LINGO2: variants seen among roughly 807,000 people sequenced by gnomAD.
The protein encoded by LINGO2 is leucine rich repeat and Ig domain containing 2.
A neutral mutation model predicts 30.6 loss-of-function variants in LINGO2; 14 were observed. That is an observed-to-expected ratio of 0.46 (90% CI 0.30 to 0.72). The LOEUF (loss-of-function observed/expected upper bound fraction) is 0.72, where lower values mean the gene tolerates loss of function less well. Ranked by LOEUF, LINGO2 falls within the 30% of genes least tolerant of loss-of-function variation. The pLI is 0.07. For synonymous variants in LINGO2, 317 were observed against 288.5 expected, an observed-to-expected ratio of 1.10 and a Z score of -1.00; for missense variants, 729 against 751.7, an observed-to-expected ratio of 0.97 and a Z score of 0.35.
chr9:28,218,280 A>AT lies in LINGO2; in HGVS notation c.-87+76927_-87+76928insA, dbSNP rs1820838753. Among the ~76,000 whole-genome samples, 4 of 39,310 alleles carry AT rather than the reference A, an allele frequency of 1.0e-4. No individual in the cohort carries two copies. In the Admixed American group the frequency reaches 1.2e-3, roughly 12 times the overall value. 25.8% of individuals were successfully genotyped at this position (39,310 alleles called of 152,430 possible). A position where few individuals can be genotyped will look rare whatever the true frequency, so the allele number is the denominator to read the frequency against. ...ATTAAGAATTTAATCTTGAATTTCTAATTTTTTTTTTAGTTATGGAAATTT... is the reference window on the plus strand; with the variant it reads ...ATTAAGAATTTAATCTTGAATTTCTATATTTTTTTTTTAGTTATGGAAATTT... On this transcript the variant is annotated intron_variant, in intron 4 of 5. Coordinates refer to ENST00000379992, the Ensembl canonical transcript of LINGO2.
At chr9:28,949,076 A>G in the LINGO2 span, among the ~76,000 whole-genome samples, 1 of 151,870 alleles carries the variant, frequency 6.6e-6, no homozygotes, top group Non-Finnish European at 1.5e-5. Context: ...CGTGTTTTTA[A>G]GTTGTTGTCT....
chr9:28,150,682 G>A (rs1827974014), intron 4 of LINGO2, among the ~76,000 whole-genome samples: 2 of 152,220 alleles, frequency 1.3e-5, no homozygotes, highest in South Asian at 4.1e-4. Flanking sequence ...TTCCTCGACT[G>A]TAAGATCAGA....
chr9:28,320,396 T>C (rs1305218326), intron 3 of LINGO2, among the ~76,000 whole-genome samples: 1 of 152,182 alleles, frequency 6.6e-6, no homozygotes, highest in East Asian at 1.9e-4. Flanking sequence ...GAGACACCTG[T>C]GCAACTGCAC....
Position 28,453,766 on chromosome 9 carries a change from T to C in LINGO2, c.-279+22174A>G, listed in dbSNP as rs949934186. ...TCAAGATCTTTTTGGAACTCCTCCT[T>C]GGCAACCACCTTCAGGGCCCACAGC... On this transcript the variant is annotated intron_variant, in intron 2 of 5. Coordinates refer to ENST00000379992, the Ensembl canonical transcript of LINGO2. 1.1e-4 allele frequency among the ~76,000 whole-genome samples: 16 copies of C among 151,950 alleles called. 1 individual carries two copies. The highest frequency in any genetic ancestry group is 1.8e-4 in the Non-Finnish European group (12 of 67,882).
chr9:28,611,746 A>G (rs1376293308), intron 1 of LINGO2, among the ~76,000 whole-genome samples: 1 of 151,666 alleles, frequency 6.6e-6, no homozygotes, highest in Non-Finnish European at 1.5e-5. Flanking sequence ...ATTTCATTGC[A>G]TATGTGTGTG....
the LINGO2 span, among the ~76,000 whole-genome samples, chr9:29,029,158 C>G: frequency 6.6e-6 from 1 of 152,070 alleles, no homozygotes; most frequent in African/African-American, 2.4e-5. Context: ...ACAGTTTTAT[C>G]CATCTTTGAA....
chr9:29,176,046 A>C, the LINGO2 span, among the ~76,000 whole-genome samples: 1 of 151,960 alleles, frequency 6.6e-6, no homozygotes, highest in Non-Finnish European at 1.5e-5. Flanking sequence ...ATCTGCACAT[A>C]CTCCATCCAA....
chr9:28,204,413 T>C (rs1820342452), intron 4 of LINGO2, among the ~76,000 whole-genome samples: 2 of 152,220 alleles, frequency 1.3e-5, no homozygotes, highest in African/African-American at 4.8e-5. Flanking sequence ...GATACTGTGA[T>C]GCTCTTTCTT....
upstream of LINGO2, among the ~76,000 whole-genome samples, chr9:28,674,968 T>A (rs1254443899): frequency 1.3e-5 from 2 of 152,118 alleles, no homozygotes; most frequent in Non-Finnish European, 2.9e-5. Context: ...CTCTCATACA[T>A]CCAGTAGACC....
At chr9:28,335,274 G>A (rs1028338923) in intron 3 of LINGO2, among the ~76,000 whole-genome samples, 7 of 152,090 alleles carry the variant, frequency 4.6e-5, no homozygotes, top group Admixed American at 4.6e-4. Flanking sequence ...ATGCATATTT[G>A]TGCCAAGGAG....
chr9:28,904,966 A>T, the LINGO2 span, among the ~76,000 whole-genome samples: 112,580 of 151,798 alleles, frequency 0.74, 41,893 homozygotes, highest in Non-Finnish European at 0.78. Context: ...CCCAAAAATA[A>T]ATCCACGCAT....
At chr9:29,042,085 C>A in the LINGO2 span, among the ~76,000 whole-genome samples, 1 of 151,842 alleles carries the variant, frequency 6.6e-6, no homozygotes, top group African/African-American at 2.4e-5. Context: ...AAACTAAAAT[C>A]ACAATGAAAT....
the LINGO2 span, among the ~76,000 whole-genome samples, chr9:28,935,877 A>G: frequency 6.6e-5 from 10 of 152,218 alleles, no homozygotes; most frequent in African/African-American, 2.4e-4. Context: ...AGCCATGTTC[A>G]TATAATATAA....
chr9:29,056,086 G>A, the LINGO2 span, among the ~76,000 whole-genome samples: 1 of 151,910 alleles, frequency 6.6e-6, no homozygotes, highest in African/African-American at 2.4e-5. Flanking sequence ...TCATGTGCAA[G>A]TATCTATTTC....
intron 2 of LINGO2, among the ~76,000 whole-genome samples, chr9:28,474,714 G>GA (rs1825659480): frequency 6.6e-6 from 1 of 152,124 alleles, no homozygotes; most frequent in Admixed American, 6.5e-5. Flanking sequence ...CTAGGAGATG[G>GA]AAAATCTAGA....
chr9:28,054,421 G>A (rs368527595), intron 4 of LINGO2, among the ~76,000 whole-genome samples: 2 of 152,044 alleles, frequency 1.3e-5, no homozygotes, highest in East Asian at 1.9e-4. Context: ...TATAAGACTT[G>A]TCTGGATCTC....
chr9:28,799,564 A>C, the LINGO2 span, among the ~76,000 whole-genome samples: 1 of 152,144 alleles, frequency 6.6e-6, no homozygotes, highest in Non-Finnish European at 1.5e-5. Flanking sequence ...CTGAGAGGAG[A>C]GAAATCAAAT....
chr9:28,056,175 T>G (rs1167833354), intron 4 of LINGO2, among the ~76,000 whole-genome samples: 2 of 152,128 alleles, frequency 1.3e-5, no homozygotes, highest in African/African-American at 4.8e-5. Context: ...TAACGATTGG[T>G]CGGCTGCTTA....
the LINGO2 span, among the ~76,000 whole-genome samples, chr9:29,088,931 G>T: frequency 5.3e-5 from 8 of 151,956 alleles, no homozygotes; most frequent in African/African-American, 1.9e-4. Flanking sequence ...ATGTGCTTCT[G>T]ATATCATAGC....
Sources: allele counts gnomAD v4.1 joint callset (sites outside exome capture counted in the v4.1 genomes callset), GRCh38; gene constraint gnomAD v4.1.1; transcripts MANE v1.5; gene names NCBI Gene and HGNC (gene_info 2026-07-23, HGNC 2026-07-21).